Variants in CRTC1 observed in about 807,000 individuals in gnomAD.
The protein encoded by CRTC1 is CREB regulated transcription coactivator 1, also known as CREB-regulated transcription coactivator 1.
Under a neutral mutation model 66.1 loss-of-function variants are expected in CRTC1, and 18 were observed. The ratio of observed to expected loss-of-function variants is 0.27; its 90% CI spans 0.19 to 0.40. CRTC1 has a LOEUF of 0.40. CRTC1 is among the 10% of genes least tolerant of loss of function. The pLI is 1.00. For synonymous variants in CRTC1, 416 were observed against 398.8 expected (o/e 1.04, Z -0.51); for missense variants, 669 against 887.9 (o/e 0.75, Z 3.13).
At chr19:18,721,488 C>T (rs1349233205) in intron 1 of CRTC1, among the ~76,000 whole-genome samples, 26 of 143,282 alleles carry the variant, frequency 1.8e-4, no homozygotes, top group Non-Finnish European at 3.0e-4. Flanking sequence ...CCACCACACC[C>T]GGCCTTTTTT....
intron 2 of CRTC1, 25 bp downstream of exon 2, chr19:18,743,051 GC>G: frequency 6.4e-7 from 1 of 1,564,294 alleles, no homozygotes. Flanking sequence ...CCCTGGCCCT[GC>G]CCCATTGTGG....
rs1373650037 is a variant in CRTC1, at chr19:18,760,712, C to T, written c.886+484C>T. On this transcript the variant is annotated intron_variant, in intron 8 of 13. Coordinates refer to ENST00000321949, the MANE Select transcript of CRTC1 (RefSeq NM_015321.3). This position sits in a 1 kb window ranked among gnomAD's most constrained non-coding sequence, Gnocchi z 6.2. ...TCTTCCTCAGCCACATCCACAGGGA[C>T]GTCGCACAGGCCCCTCGCCCGTCCC... Among the ~76,000 whole-genome samples the T allele has an allele frequency of 2.0e-5, 3 of 152,056 alleles. No homozygotes were observed. Among genetic ancestry groups the T allele is most frequent in the African/African-American group, 4.8e-5 (2 of 41,386 alleles).
chr19:18,736,891 G>T (rs999873191), intron 1 of CRTC1, among the ~76,000 whole-genome samples: 2 of 152,216 alleles, frequency 1.3e-5, no homozygotes, highest in African/African-American at 4.8e-5. Context: ...GCCTGACCAA[G>T]GCTGGCCGGT....
At chr19:18,691,243 C>CAGTG (rs1313622166) in intron 1 of CRTC1, among the ~76,000 whole-genome samples, 1 of 150,948 alleles carries the variant, frequency 6.6e-6, no homozygotes, top group Admixed American at 6.6e-5. Context: ...GGACCAGGCA[C>CAGTG]AGTGGCTCAC....
intron 1 of CRTC1, among the ~76,000 whole-genome samples, chr19:18,711,048 C>T (rs1248075894): frequency 6.6e-6 from 1 of 152,240 alleles, no homozygotes; most frequent in Non-Finnish European, 1.5e-5. Flanking sequence ...CTGCTGTGGC[C>T]AGGGCTGCTA....
chr19:18,709,158 G>A (rs1053989479), intron 1 of CRTC1, among the ~76,000 whole-genome samples: 1 of 152,182 alleles, frequency 6.6e-6, no homozygotes, highest in South Asian at 2.1e-4. Context: ...GGTGCACCTG[G>A]CAGTGGGCAG....
At chr19:18,700,508 A>T (rs1219101452) in intron 1 of CRTC1, among the ~76,000 whole-genome samples, 10 of 151,078 alleles carry the variant, frequency 6.6e-5, no homozygotes, top group South Asian at 2.1e-4. Flanking sequence ...TTTTTTTTTT[A>T]AATAAAAAAA....
At chr19:18,728,294 T>C (rs2053806081) in intron 1 of CRTC1, among the ~76,000 whole-genome samples, 1 of 152,166 alleles carries the variant, frequency 6.6e-6, no homozygotes, top group Non-Finnish European at 1.5e-5. Context: ...AGGTGAAGAA[T>C]TGTACATTAG....
At chr19:18,732,376 C>T (rs1471267982) in intron 1 of CRTC1, among the ~76,000 whole-genome samples, 1 of 151,612 alleles carries the variant, frequency 6.6e-6, no homozygotes, top group Non-Finnish European at 1.5e-5. Context: ...AGAAGGTTGG[C>T]CCCCCAGGGC....
chr19:18,745,669 G>C (rs770101008), intron 2 of CRTC1, among the ~76,000 whole-genome samples, 154 bp from the exon 3 acceptor site: 26 of 152,240 alleles, frequency 1.7e-4, no homozygotes, highest in Non-Finnish European at 3.5e-4. Context: ...AGCTGGGGCT[G>C]AAGGAAGAAG....
chr19:18,777,570 G>C lies in CRTC1; in HGVS notation c.*188G>C, dbSNP rs2055020836. 8 of 582,662 alleles carry C rather than the reference G, an allele frequency of 1.4e-5. No homozygotes were observed. In the Admixed American group the frequency reaches 2.4e-4, roughly 17 times the overall value. 36.1% of individuals were successfully genotyped at this position (582,662 alleles called of 1,614,324 possible). On this transcript the variant is annotated 3_prime_UTR_variant, in exon 14 of 14. Transcript: ENST00000321949. The surrounding 1 kb of genome is among the most constrained non-coding windows in gnomAD (Gnocchi z 5.5). ...AAGCCCAATCGCGAGGCCGCGAGCC[G>C]GGCCGTCCACCCACCCGCCCGCCCA...
At chr19:18,770,230 C>T (rs2054831417) in intron 10 of CRTC1, among the ~76,000 whole-genome samples, 1 of 152,242 alleles carries the variant, frequency 6.6e-6, no homozygotes, top group South Asian at 2.1e-4. Context: ...GGGGCCTGGC[C>T]TGGCCCGACC....
At chr19:18,757,432 C>A (rs924287767) in intron 6 of CRTC1, among the ~76,000 whole-genome samples, 1 of 152,236 alleles carries the variant, frequency 6.6e-6, no homozygotes, top group East Asian at 1.9e-4. Flanking sequence ...CGGCCTCTGT[C>A]TGTGAGCGGT....
At chr19:18,742,800 A>AC in intron 1 of CRTC1, 110 bp from the exon 2 acceptor site, 1 of 776,686 alleles carries the variant, frequency 1.3e-6, no homozygotes, top group East Asian at 2.5e-5. Flanking sequence ...AAACTTCTGC[A>AC]CTTAGGCTGT....
At chr19:18,753,619 C>T (rs2054420113) in intron 6 of CRTC1, 34 bp downstream of exon 6, 1 of 1,497,716 alleles carries the variant, frequency 6.7e-7, no homozygotes, top group Non-Finnish European at 9.2e-7. Flanking sequence ...AACTTTTTTT[C>T]TTCTTTCTCT....
chr19:18,710,198 C>T (rs2053358582), intron 1 of CRTC1, among the ~76,000 whole-genome samples: 4 of 152,188 alleles, frequency 2.6e-5, no homozygotes, highest in Admixed American at 2.6e-4. Context: ...TGCACAGCCC[C>T]ACTCACTCGG....
rs375348167 is a variant in CRTC1, at chr19:18,765,392, C to A, written c.887-12C>A. 2 of 1,605,600 alleles carry A rather than the reference C, an allele frequency of 1.2e-6. No individual in the cohort carries two copies. Among genetic ancestry groups the A allele is most frequent in the Non-Finnish European group, 8.5e-7 (1 of 1,174,544 alleles). Reference sequence around the variant, plus strand: ...TCACACCTGCTCTCCCTCCCTCCTACTTCCTCTCTAGGAATGAGCACACCT... The same window carrying A: ...TCACACCTGCTCTCCCTCCCTCCTAATTCCTCTCTAGGAATGAGCACACCT... On this transcript the variant is annotated splice_polypyrimidine_tract_variant and intron_variant, in intron 8 of 13. Coordinates refer to ENST00000321949, the MANE Select transcript of CRTC1 (RefSeq NM_015321.3).
intron 1 of CRTC1, among the ~76,000 whole-genome samples, chr19:18,685,998 G>A (rs899784573): frequency 6.6e-6 from 1 of 152,112 alleles, no homozygotes; most frequent in African/African-American, 2.4e-5. Context: ...GTGGTTTTTA[G>A]TATATTCACA....
At chr19:18,743,176 G>C (rs2054148414) in intron 2 of CRTC1, 150 bp downstream of exon 2, 2 of 684,082 alleles carry the variant, frequency 2.9e-6, no homozygotes, top group African/African-American at 3.5e-5. Context: ...CTGGGAACCA[G>C]AGGAAGCAGA....
Sources: allele counts gnomAD v4.1 joint callset (sites outside exome capture counted in the v4.1 genomes callset), GRCh38; gene constraint gnomAD v4.1.1; non-coding constraint Gnocchi (gnomAD v3.1); transcripts MANE v1.5; gene names NCBI Gene and HGNC (gene_info 2026-07-23, HGNC 2026-07-21).